SMG7: variants seen among roughly 807,000 people sequenced by gnomAD.
SMG7 encodes the protein nonsense-mediated mRNA decay factor SMG7.
SMG7 carries 34 observed loss-of-function variants against 148.2 expected under a neutral mutation model. The observed-to-expected ratio is 0.23, with a 90% CI of 0.17 to 0.31. The LOEUF (loss-of-function observed/expected upper bound fraction) is 0.31, where lower values mean the gene tolerates loss of function less well. Among genes scored for constraint, SMG7 ranks in the 10% least tolerant of loss-of-function variants. The pLI is 1.00. For synonymous variants in SMG7, 492 were observed against 515.1 expected, an observed-to-expected ratio of 0.96 and a Z score of 0.61; for missense variants, 1,114 against 1,408.4, an observed-to-expected ratio of 0.79 and a Z score of 3.35.
At chr1:183,484,049 G>C (rs1935217) in intron 1 of SMG7, among the ~76,000 whole-genome samples, 150,009 of 152,168 alleles carry the variant, frequency 0.99, 73,977 homozygotes, top group East Asian at 1. Context: ...TAACCTTGAA[G>C]CTCTCTAGTT....
intron 1 of SMG7, among the ~76,000 whole-genome samples, chr1:183,502,567 G>A (rs553628602): frequency 1.3e-5 from 2 of 152,196 alleles, no homozygotes; most frequent in South Asian, 4.1e-4. Flanking sequence ...TGAGAACCTT[G>A]GCTTATGTTT....
At chr1:183,496,028 T>C (rs1658404665) in intron 1 of SMG7, among the ~76,000 whole-genome samples, 1 of 152,212 alleles carries the variant, frequency 6.6e-6, no homozygotes, top group South Asian at 2.1e-4. Context: ...GTGCCTGGAT[T>C]TGAATTCCAG....
intron 15 of SMG7, 117 bp from the exon 16 acceptor site, chr1:183,544,813 A>T: frequency 9.5e-7 from 1 of 1,048,800 alleles, no homozygotes; most frequent in East Asian, 2.4e-5. Context: ...AACATGACTA[A>T]TCTCTTTTGT....
rs147952642 is a variant in SMG7, at chr1:183,542,681, A to G, written c.1842+179A>G. On this transcript the variant is annotated intron_variant, in intron 14 of 22. Coordinates refer to ENST00000688051, the MANE Select transcript of SMG7 (RefSeq NM_001375584.1). ...ATGGTTACTTTTTCAATTCTTGGGA[A>G]TTGTGAGTGAAAAAAAAATCTCAGC... is the stretch of plus-strand genomic sequence containing the variant. 2.3e-3 allele frequency among the ~76,000 whole-genome samples: 354 copies of G among 152,266 alleles called. 1 individual carries two copies. Among genetic ancestry groups the G allele is most frequent in the African/African-American group, 8.2e-3 (341 of 41,570 alleles).
At chr1:183,528,086 G>A (rs1666205340) in intron 6 of SMG7, 59 bp downstream of exon 6, 7 of 1,321,502 alleles carry the variant, frequency 5.3e-6, no homozygotes, top group Admixed American at 1.9e-5. Flanking sequence ...TAACAATGTG[G>A]CAGATAACTC....
chr1:183,504,371 G>A (rs570808746), intron 1 of SMG7, among the ~76,000 whole-genome samples: 5 of 151,646 alleles, frequency 3.3e-5, no homozygotes, highest in Admixed American at 2.0e-4. Context: ...ACCGAGTCTC[G>A]CTCTTGTTGT....
chr1:183,546,027 G>A lies in SMG7; in HGVS notation c.2432G>A (p.Gly811Glu), dbSNP rs776257580. Residue 811 changes from glycine (G) to glutamate (E), a missense_variant, in exon 17 of 23, where the codon GGG becomes GAG. Gly to Glu is a moderately conservative substitution (Grantham distance 98). Coordinates refer to ENST00000688051, the MANE Select transcript of SMG7 (RefSeq NM_001375584.1). ...CCCCCTCAGGTTCAAGGCCCATTAGGGAAAATTATGCCTGTGAAACAGCCC... is the reference window on the plus strand; with the variant it reads ...CCCCCTCAGGTTCAAGGCCCATTAGAGAAAATTATGCCTGTGAAACAGCCC... ...WNPPQVQGPL[G>E]KIMPVKQPYY... 5.6e-6 allele frequency: 9 copies of A among 1,613,922 alleles called. No individual in the cohort carries two copies. The highest frequency in any genetic ancestry group is 7.6e-6 in the Non-Finnish European group (9 of 1,179,958).
Position 183,533,754 on chromosome 1 carries a change from C to T in SMG7, c.1085C>T (p.Pro362Leu). The T allele has an allele frequency of 6.2e-7, 1 of 1,613,496 alleles. No individual in the cohort carries two copies. Among genetic ancestry groups the T allele is most frequent in the South Asian group, 1.1e-5 (1 of 91,068 alleles). ...QEESYNAYPL[P>L]AVKVSMDWLR... ...GAGTCCTACAATGCCTATCCTCTTC[C>T]AGCAGTCAAGGTCTCCATGGACTGG... The change falls in exon 10 of 23, where the codon CCA (proline) becomes CTA (leucine). Residue 362 changes from proline to leucine, a missense_variant. Pro to Leu is a moderately conservative substitution (Grantham distance 98, BLOSUM62 -3). Transcript: ENST00000688051.
At chr1:183,500,278 AGT>A (rs1012402469) in intron 1 of SMG7, among the ~76,000 whole-genome samples, 50 of 152,318 alleles carry the variant, frequency 3.3e-4, no homozygotes, top group African/African-American at 1.2e-3. Context: ...ATGAAAACAA[AGT>A]GTGAATTTCA....
chr1:183,546,156 T>C lies in SMG7; in HGVS notation c.2561T>C (p.Met854Thr). ...PLEKKMKPFP[M>T]EPYNHNPSEV... ...GAAAAAAAAATGAAGCCTTTTCCCA[T>C]GGAGCCATATAACCATAATCCCTCA... Residue 854 changes from methionine (M) to threonine (T), a missense_variant, in exon 17 of 23, where the codon ATG becomes ACG. Met to Thr is a moderately conservative substitution (Grantham distance 81). This residue lies in a region of SMG7 where 788 missense variants were observed against 894.5 expected (regional missense o/e 0.88). Transcript: ENST00000688051. The C allele has an allele frequency of 1.9e-6, 3 of 1,614,046 alleles. No homozygotes were observed. The highest frequency in any genetic ancestry group is 2.5e-6 in the Non-Finnish European group (3 of 1,179,978).
At position 183,553,845 on chromosome 1, in the gene SMG7, T is replaced by G. The variant is rs889183144; in HGVS notation, c.*1914T>G. The G allele has an allele frequency of 2.0e-5, 3 of 152,772 alleles. No homozygotes were observed. Among genetic ancestry groups the G allele is most frequent in the African/African-American group, 7.2e-5 (3 of 41,450 alleles). The allele number at this position is 152,772 out of a possible 1,614,324, so 9.5% of individuals were successfully genotyped here. On this transcript the variant is annotated 3_prime_UTR_variant, in exon 23 of 23. Coordinates refer to ENST00000688051, the MANE Select transcript of SMG7 (RefSeq NM_001375584.1). ...GCTCTGCATTCAGGCAGCTGCAACA[T>G]TCCAGTGTTTGAACTGTCACTGATT... is the stretch of plus-strand genomic sequence containing the variant.
Position 183,544,986 on chromosome 1 carries a change from G to T in SMG7, c.2044G>T (p.Gly682Cys), listed in dbSNP as rs1372374926. 1.1e-5 allele frequency: 18 copies of T among 1,613,678 alleles called. No individual in the cohort carries two copies. The highest frequency in any genetic ancestry group is 1.5e-5 in the Non-Finnish European group (18 of 1,179,868). The change falls in exon 16 of 23, where the codon GGT becomes TGT. Residue 682 changes from glycine (G) to cysteine (C), a missense_variant. By Grantham distance (159) the Gly-to-Cys change is radical (BLOSUM62 -3). Transcript: ENST00000688051. Reference sequence around the variant, plus strand: ...GCCTGTGGCATTTTCTATGGGCTCAGGTTACACCTTCCCAGCTGGTGTTTC... The same window carrying T: ...GCCTGTGGCATTTTCTATGGGCTCATGTTACACCTTCCCAGCTGGTGTTTC... Reference protein sequence around the residue: ...PPPVAFSMGSGYTFPAGVSVP... With the variant: ...PPPVAFSMGSCYTFPAGVSVP...
At chr1:183,516,189 G>A (rs1038025392) in intron 3 of SMG7, 198 bp downstream of exon 3, 5 of 491,078 alleles carry the variant, frequency 1.0e-5, no homozygotes, top group Non-Finnish European at 1.8e-5. Context: ...GAAGAGAAAT[G>A]TTTAGAGTTG....
At chr1:183,472,716 C>T in intron 1 of SMG7, 67 bp downstream of exon 1, 6 of 1,350,410 alleles carry the variant, frequency 4.4e-6, no homozygotes, top group Non-Finnish European at 4.9e-6. Context: ...GAGCAACAGA[C>T]ACCGAGGTAA....
intron 10 of SMG7, among the ~76,000 whole-genome samples, chr1:183,535,826 TTGCA>T (rs1269297484): frequency 6.6e-6 from 1 of 152,174 alleles, no homozygotes; most frequent in African/African-American, 2.4e-5. Flanking sequence ...CTTATGTGTG[TTGCA>T]TGAAGACATT....
At chr1:183,498,098 A>G (rs1658943768) in intron 1 of SMG7, among the ~76,000 whole-genome samples, 1 of 152,222 alleles carries the variant, frequency 6.6e-6, no homozygotes, top group Non-Finnish European at 1.5e-5. Context: ...TATTTTATTT[A>G]GTTAAATCAG....
chr1:183,536,429 A>G (rs778911145), intron 10 of SMG7, among the ~76,000 whole-genome samples: 4 of 152,180 alleles, frequency 2.6e-5, no homozygotes, highest in Non-Finnish European at 5.9e-5. Context: ...TTTGAAAGAT[A>G]ACAGAGATTT....
At chr1:183,486,560 G>A (rs1400826810) in intron 1 of SMG7, among the ~76,000 whole-genome samples, 1 of 152,120 alleles carries the variant, frequency 6.6e-6, no homozygotes, top group Non-Finnish European at 1.5e-5. Flanking sequence ...ACAGGCGCCC[G>A]CCACCACGCC....
At chr1:183,549,117 A>G (rs764362517) in intron 18 of SMG7, 91 bp from the exon 19 acceptor site, 14 of 926,950 alleles carry the variant, frequency 1.5e-5, no homozygotes, top group Non-Finnish European at 2.2e-5. Context: ...GAATACAGGC[A>G]TGCTTTTGCT....
Sources: gnomAD v4.1 joint callset for allele counts (sites outside exome capture counted in the v4.1 genomes callset) on GRCh38, gnomAD v4.1.1 for gene constraint, gnomAD v4.1.1 regional missense constraint, MANE v1.5 for transcripts, NCBI Gene and HGNC (gene_info 2026-07-23, HGNC 2026-07-21) for gene names.